XXYLT1: variants seen among roughly 807,000 people sequenced by gnomAD.
XXYLT1 encodes the protein xyloside xylosyltransferase 1.
In XXYLT1, 20 loss-of-function variants were observed where a neutral mutation model predicts 28.9. The observed-to-expected ratio is 0.69, with a 90% CI of 0.49 to 1.00. XXYLT1 has a LOEUF of 1.00. XXYLT1 is among the 50% of genes least tolerant of loss of function. The pLI is 0.00. For synonymous variants in XXYLT1, 257 were observed against 253.8 expected (o/e 1.01, Z -0.12); for missense variants, 542 against 560.1 (o/e 0.97, Z 0.33).
At chr3:195,071,513 C>T (rs909067161) in intron 3 of XXYLT1, among the ~76,000 whole-genome samples, 20 of 152,272 alleles carry the variant, frequency 1.3e-4, no homozygotes, top group Admixed American at 5.9e-4. Context: ...GCATTCCCTC[C>T]GGACATTCTT....
At position 195,139,983 on chromosome 3, in the gene XXYLT1, C is replaced by G. The variant is rs143548148; in HGVS notation, c.785+16466G>C. ...GAGCCCTACGTGCTGGTCTAGGGAG[C>G]AACACCCTCTCTGCAAGACATCTTT... On this transcript the variant is annotated intron_variant, in intron 3 of 3. Coordinates refer to ENST00000310380, the MANE Select transcript of XXYLT1 (RefSeq NM_152531.5). Among the ~76,000 whole-genome samples the G allele has an allele frequency of 7.3e-3, 1,116 of 152,322 alleles. 4 individuals carry two copies. Among genetic ancestry groups the G allele is most frequent in the Middle Eastern group, 0.014 (4 of 294 alleles).
intron 2 of XXYLT1, among the ~76,000 whole-genome samples, chr3:195,194,490 C>T (rs912770611): frequency 1.3e-5 from 2 of 152,286 alleles, no homozygotes; most frequent in African/African-American, 4.8e-5. Flanking sequence ...AGTACAAGCA[C>T]TTGAGAAAAC....
rs1275133743 is a variant in XXYLT1 at position 195,271,051 on chromosome 3, A to G, written c.8T>C (p.Leu3Pro). Residue 3 changes from leucine (L) to proline (P), a missense_variant, in exon 1 of 4, where the codon CTC (leucine) becomes CCC (proline). Transcript: ENST00000310380. Reference protein sequence around the residue: MGLLRGGLPCARA... With the variant: MGPLRGGLPCARA... ...AGCGCATGGGAGCCCGCCTCGGAGG[A>G]GGCCCATGCGCTACGAGACCGCGGC... 76 of 1,415,566 alleles carry G rather than the reference A, an allele frequency of 5.4e-5. 1 individual carries two copies. In the East Asian group the frequency reaches 2.2e-3, roughly 41 times the overall value. 87.7% of individuals were successfully genotyped at this position (1,415,566 alleles called of 1,614,324 possible).
At chr3:195,169,466 AG>A (rs1255596893) in intron 2 of XXYLT1, among the ~76,000 whole-genome samples, 3 of 152,212 alleles carry the variant, frequency 2.0e-5, no homozygotes, top group Non-Finnish European at 4.4e-5. Context: ...TGTCTCCCTT[AG>A]GGGTCGGCTT....
At chr3:195,265,942 T>G (rs1725836697) in intron 1 of XXYLT1, among the ~76,000 whole-genome samples, 1 of 152,180 alleles carries the variant, frequency 6.6e-6, no homozygotes, top group Non-Finnish European at 1.5e-5. Context: ...GCCACCATTA[T>G]TTGGGGGTTT....
At position 195,143,897 on chromosome 3, in the gene XXYLT1, TTATTTTTA is replaced by T. The variant is rs1428007380; in HGVS notation, c.785+12544_785+12551del. On this transcript the variant is annotated intron_variant, in intron 3 of 3. Transcript: ENST00000310380. ...ATATATATATATATATATTTATTTTTTATTTTTATTTTTTTTTTGAGATGGACTCTTGC... is the reference window on the plus strand; with the variant it reads ...ATATATATATATATATATTTATTTTTTTTTTTTTTTGAGATGGACTCTTGC... 1.1e-4 allele frequency among the ~76,000 whole-genome samples: 15 copies of T among 134,600 alleles called. 2 individuals are homozygous for T. Among genetic ancestry groups the T allele is most frequent in the East Asian group, 5.9e-4 (2 of 3,404 alleles). 88.3% of individuals were successfully genotyped at this position (134,600 alleles called of 152,430 possible). A position where few individuals can be genotyped will look rare whatever the true frequency, so the allele number is the denominator to read the frequency against.
intron 2 of XXYLT1, among the ~76,000 whole-genome samples, chr3:195,174,078 G>A (rs1043118909): frequency 9.2e-5 from 14 of 152,170 alleles, no homozygotes; most frequent in African/African-American, 3.1e-4. Context: ...CTTTTTTAAC[G>A]AGGGCTGTAG....
At chr3:195,199,636 C>T (rs1199538007) in intron 2 of XXYLT1, among the ~76,000 whole-genome samples, 6 of 152,106 alleles carry the variant, frequency 3.9e-5, no homozygotes, top group Non-Finnish European at 7.4e-5. Context: ...AATCTTGTTG[C>T]TACCTTCACA....
At position 195,180,385 on chromosome 3, in the gene XXYLT1, A is replaced by T; in HGVS notation, c.653-23804T>A. On this transcript the variant is annotated intron_variant, in intron 2 of 3. Coordinates refer to ENST00000310380, the MANE Select transcript of XXYLT1 (RefSeq NM_152531.5). This position sits in a 1 kb window ranked among gnomAD's most constrained non-coding sequence, Gnocchi z 5.8. ...CCCCCTGGCCCGCCTGGCCCTCAAG[A>T]CACACTTCCTTCGGCTGCAGCCTCG... is the stretch of plus-strand genomic sequence containing the variant. 3 of 976,532 alleles carry T rather than the reference A, an allele frequency of 3.1e-6. No homozygotes were observed. The highest frequency in any genetic ancestry group is 3.6e-6 in the Non-Finnish European group (3 of 829,944). The allele number at this position is 976,532 out of a possible 1,614,324, so 60.5% of individuals were successfully genotyped here. A position where few individuals can be genotyped will look rare whatever the true frequency, so the allele number is the denominator to read the frequency against.
intron 1 of XXYLT1, among the ~76,000 whole-genome samples, chr3:195,258,274 G>A (rs888991197): frequency 6.6e-6 from 1 of 152,212 alleles, no homozygotes; most frequent in East Asian, 1.9e-4. Context: ...ATAGGAGCAG[G>A]CTCTGGGAGT....
intron 2 of XXYLT1, chr3:195,184,775 C>CT (rs1722104408): frequency 1.0e-6 from 1 of 985,408 alleles, no homozygotes. Context: ...ACTTAGCATT[C>CT]TGAAAGAAGT....
rs180827018 is a variant in XXYLT1 at position 195,236,480 on chromosome 3, C to T, written c.505-9624G>A. Among the ~76,000 whole-genome samples, 330 of 152,140 alleles carry T rather than the reference C, an allele frequency of 2.2e-3. 1 individual carries two copies. Among genetic ancestry groups the T allele is most frequent in the African/African-American group, 6.7e-3 (279 of 41,508 alleles). On this transcript the variant is annotated intron_variant, in intron 1 of 3. Coordinates refer to ENST00000310380, the MANE Select transcript of XXYLT1 (RefSeq NM_152531.5). Reference sequence around the variant, plus strand: ...GGTGAATGCTGCCAGTCCTGGGACTCTCTTCAGGGCAGTGAGCTCCCCTCT... The same window carrying T: ...GGTGAATGCTGCCAGTCCTGGGACTTTCTTCAGGGCAGTGAGCTCCCCTCT...
At chr3:195,147,485 G>A (rs968479826) in intron 3 of XXYLT1, among the ~76,000 whole-genome samples, 7 of 151,982 alleles carry the variant, frequency 4.6e-5, no homozygotes, top group African/African-American at 4.8e-5. Context: ...CAGGAGAATC[G>A]CTTGAACCCG....
chr3:195,181,526 C>T (rs887069103), intron 2 of XXYLT1, among the ~76,000 whole-genome samples: 1 of 152,216 alleles, frequency 6.6e-6, no homozygotes, highest in African/African-American at 2.4e-5. Flanking sequence ...GAGCAGGTAA[C>T]ACTGCTTGAG....
intron 1 of XXYLT1, among the ~76,000 whole-genome samples, chr3:195,258,720 G>A (rs989237967): frequency 6.6e-6 from 1 of 152,242 alleles, no homozygotes; most frequent in African/African-American, 2.4e-5. Flanking sequence ...GAAAGAGAAA[G>A]TGTGGATGCC....
chr3:195,211,910 C>T (rs1723331150), intron 2 of XXYLT1, among the ~76,000 whole-genome samples: 1 of 143,734 alleles, frequency 7.0e-6, no homozygotes, highest in African/African-American at 2.6e-5. Context: ...CACAGAATGC[C>T]ACCAGGAAGA....
chr3:195,243,629 A>T (rs1049001673), intron 1 of XXYLT1, among the ~76,000 whole-genome samples: 1 of 148,320 alleles, frequency 6.7e-6, no homozygotes, highest in Non-Finnish European at 1.5e-5. Context: ...AGTCACTAAC[A>T]TGTCCTGAAG....
chr3:195,258,316 C>A (rs1308930265), intron 1 of XXYLT1, among the ~76,000 whole-genome samples: 1 of 152,156 alleles, frequency 6.6e-6, no homozygotes, highest in Non-Finnish European at 1.5e-5. Flanking sequence ...TGAGCGTCTC[C>A]CCAGAGGCCC....
At chr3:195,143,892 A>T (rs1411965741) in intron 3 of XXYLT1, among the ~76,000 whole-genome samples, 1,956 of 115,154 alleles carry the variant, frequency 0.017, 84 homozygotes, top group East Asian at 0.054. Flanking sequence ...ATATATATTT[A>T]TTTTTTATTT....
Sources: gnomAD v4.1 joint callset for allele counts (sites outside exome capture counted in the v4.1 genomes callset) on GRCh38, gnomAD v4.1.1 for gene constraint, Gnocchi (gnomAD v3.1) non-coding constraint, MANE v1.5 for transcripts, NCBI Gene and HGNC (gene_info 2026-07-23, HGNC 2026-07-21) for gene names.